UBR3: variants seen among roughly 807,000 people sequenced by gnomAD.
UBR3 encodes the protein E3 ubiquitin-protein ligase UBR3.
Under a neutral mutation model 243.2 loss-of-function variants are expected in UBR3, and 85 were observed. The ratio of observed to expected loss-of-function variants is 0.35; its 90% CI spans 0.29 to 0.42. UBR3 has a LOEUF of 0.42. Ranked by LOEUF, UBR3 falls within the 10% of genes least tolerant of loss-of-function variation. The pLI, the probability that UBR3 is intolerant of heterozygous loss-of-function variation, is 1.00. For missense variants in UBR3, 1,686 were observed against 2,300.8 expected (o/e 0.73, Z 5.47); for synonymous variants, 748 against 799.8 (o/e 0.94, Z 1.09).
Position 169,895,017 on chromosome 2 carries a change from A to G in UBR3, c.1106-164A>G, listed in dbSNP as rs550518900. The stretch of plus-strand genomic sequence containing the variant: ...GCATTAAATTTTTTCTTATTTATAT[A>G]CTGTGTACATTATAGAAATCTAGCT... On this transcript the variant is annotated intron_variant, in intron 6 of 38. Transcript: ENST00000272793. 2.6e-5 allele frequency among the ~76,000 whole-genome samples: 4 copies of G among 152,252 alleles called. No homozygotes were observed. The South Asian group carries it at 6.2e-4, about 24-fold the overall frequency.
intron 26 of UBR3, among the ~76,000 whole-genome samples, chr2:170,000,158 A>C (rs192542832): frequency 0.012 from 1,793 of 152,210 alleles, 50 homozygotes; most frequent in African/African-American, 0.04. Context: ...CAAAACAAAA[A>C]AAAAACAAAT....
At chr2:169,942,246 G>A (rs1217661662) in intron 19 of UBR3, among the ~76,000 whole-genome samples, 3 of 152,138 alleles carry the variant, frequency 2.0e-5, no homozygotes, top group East Asian at 3.9e-4. Flanking sequence ...CTCTTTGTTA[G>A]CACTTTAAAG....
chr2:169,999,619 C>T (rs2089618957), intron 26 of UBR3, among the ~76,000 whole-genome samples: 1 of 152,070 alleles, frequency 6.6e-6, no homozygotes, highest in Admixed American at 6.5e-5. Flanking sequence ...ATTGCTCTGG[C>T]CCACCCATCT....
chr2:169,938,503 C>T (rs1234721819), intron 19 of UBR3, among the ~76,000 whole-genome samples: 3 of 152,076 alleles, frequency 2.0e-5, no homozygotes, highest in African/African-American at 7.2e-5. Context: ...CTTAAGTGAT[C>T]TGCCTGCCTC....
chr2:169,933,596 A>G (rs971007843), intron 19 of UBR3, among the ~76,000 whole-genome samples: 28 of 152,194 alleles, frequency 1.8e-4, no homozygotes, highest in African/African-American at 6.5e-4. Flanking sequence ...AAACCTTAAT[A>G]GTTAATATTA....
chr2:170,078,168 T>A (rs1036437286), intron 36 of UBR3: 1 of 558,696 alleles, frequency 1.8e-6, no homozygotes, highest in African/African-American at 2.0e-5. Context: ...TTCAGACCAA[T>A]CATTTTCTTT....
chr2:169,902,495 G>A (rs985645740), intron 8 of UBR3, among the ~76,000 whole-genome samples: 2 of 152,030 alleles, frequency 1.3e-5, no homozygotes, highest in African/African-American at 4.8e-5. Flanking sequence ...CTTTTCTTAG[G>A]TACTGCTCCT....
chr2:169,909,741 GTATATA>G lies in UBR3; in HGVS notation c.1779+3589_1779+3594del, dbSNP rs34263331. Among the ~76,000 whole-genome samples, 28 of 149,626 alleles carry G rather than the reference GTATATA, an allele frequency of 1.9e-4. No individual in the cohort carries two copies. In the East Asian group the frequency reaches 4.1e-3, roughly 22 times the overall value. ...CATCCCACAATGCATGTGTGTGTGT[GTATATA>G]TATATATATATCTTGAAACATCACA... On this transcript the variant is annotated intron_variant, in intron 10 of 38. Transcript: ENST00000272793.
At chr2:169,976,643 T>G (rs2088460842) in intron 24 of UBR3, among the ~76,000 whole-genome samples, 1 of 152,196 alleles carries the variant, frequency 6.6e-6, no homozygotes, top group South Asian at 2.1e-4. Flanking sequence ...TAATGGGGAT[T>G]CCCTTATATG....
At chr2:169,908,298 C>CA (rs992972490) in intron 10 of UBR3, among the ~76,000 whole-genome samples, 4 of 152,078 alleles carry the variant, frequency 2.6e-5, no homozygotes, top group Non-Finnish European at 5.9e-5. Flanking sequence ...TGATTCTAAC[C>CA]AAAATGAAGA....
intron 1 of UBR3, among the ~76,000 whole-genome samples, chr2:169,856,322 G>A (rs1321763401): frequency 6.6e-6 from 1 of 151,454 alleles, no homozygotes; most frequent in Non-Finnish European, 1.5e-5. Context: ...GATGATGGCC[G>A]GGAAGAGGCA....
rs186662817 is a variant in UBR3, at chr2:170,038,319, A to C, written c.4557-2563A>C. Among the ~76,000 whole-genome samples the C allele has an allele frequency of 1.8e-4, 27 of 152,328 alleles. 1 individual carries two copies. The East Asian group carries it at 5.0e-3, about 28-fold the overall frequency. On this transcript the variant is annotated intron_variant, in intron 31 of 38. Coordinates refer to ENST00000272793, the MANE Select transcript of UBR3 (RefSeq NM_172070.4). Reference sequence around the variant, plus strand: ...GTGAGACTCTTTTAAACACCTGTTAAATTTAATGTAGCAGTCTGAGAATCT... The same window carrying C: ...GTGAGACTCTTTTAAACACCTGTTACATTTAATGTAGCAGTCTGAGAATCT...
At chr2:169,970,754 T>C (rs1434887917) in intron 24 of UBR3, among the ~76,000 whole-genome samples, 1 of 132,074 alleles carries the variant, frequency 7.6e-6, no homozygotes, top group African/African-American at 2.9e-5. Flanking sequence ...TTCCAAGTCT[T>C]TGCTATTGTG....
chr2:170,001,057 G>A (rs2089677326), intron 26 of UBR3, among the ~76,000 whole-genome samples: 1 of 152,164 alleles, frequency 6.6e-6, no homozygotes, highest in South Asian at 2.1e-4. Context: ...ACAAAGGCTA[G>A]TTCATAATAT....
chr2:169,978,263 G>T (rs1230740423), intron 24 of UBR3, among the ~76,000 whole-genome samples: 1 of 152,162 alleles, frequency 6.6e-6, no homozygotes, highest in African/African-American at 2.4e-5. Flanking sequence ...ACCAGTAGCA[G>T]CGCTGGGTTC....
In UBR3 at chr2:170,081,722, C is replaced by G. The variant is rs767021252; in HGVS notation, c.5550-4C>G. 2 of 1,571,342 alleles carry G rather than the reference C, an allele frequency of 1.3e-6. No individual in the cohort carries two copies. The highest frequency in any genetic ancestry group is 1.7e-6 in the Non-Finnish European group (2 of 1,161,700). ...TTAATACTTTTTTTTTCTTTTTGTT[C>G]TAGGCGAGGCAAACCTCTCTACATT... On this transcript the variant is annotated splice_polypyrimidine_tract_variant and splice_region_variant and intron_variant, in intron 38 of 38. Coordinates refer to ENST00000272793, the MANE Select transcript of UBR3 (RefSeq NM_172070.4).
chr2:169,860,868 C>T lies in UBR3; in HGVS notation c.546-11368C>T, dbSNP rs763666449. Among the ~76,000 whole-genome samples the T allele has an allele frequency of 8.5e-5, 13 of 152,068 alleles. 1 individual carries two copies. The highest frequency in any genetic ancestry group is 1.6e-4 in the Non-Finnish European group (11 of 68,024). ...CAAGGAAGCCAGTGGTGGATCAGCC[C>T]GAGTCCCAAAACCTCGAAAGTAGAG... On this transcript the variant is annotated intron_variant, in intron 1 of 38. Transcript: ENST00000272793.
At chr2:169,927,494 T>C (rs6723655) in intron 17 of UBR3, 89 bp downstream of exon 17, 273,404 of 1,048,516 alleles carry the variant, frequency 0.26, 37,218 homozygotes, top group East Asian at 0.41. Context: ...TTTTGATTAA[T>C]TTTTTTTCAA....
chr2:170,058,369 C>T (rs572224242), intron 33 of UBR3, among the ~76,000 whole-genome samples: 1 of 152,036 alleles, frequency 6.6e-6, no homozygotes, highest in Non-Finnish European at 1.5e-5. Context: ...AGATTTAGTT[C>T]TGAAAAAGTC....
Sources: gnomAD v4.1 joint callset for allele counts (sites outside exome capture counted in the v4.1 genomes callset) on GRCh38, gnomAD v4.1.1 for gene constraint, MANE v1.5 for transcripts, NCBI Gene and HGNC (gene_info 2026-07-23, HGNC 2026-07-21) for gene names.